The following RYR3 variants were observed in gnomAD, a reference collection of about 807,000 sequenced individuals.
RYR3 encodes ryanodine receptor 3, also known as brain ryanodine receptor-calcium release channel.
Under a neutral mutation model 584.3 loss-of-function variants are expected in RYR3, and 207 were observed. The observed-to-expected ratio is 0.35, with a 90% CI of 0.32 to 0.40. The LOEUF is 0.40. Ranked by LOEUF, RYR3 falls within the 10% of genes least tolerant of loss-of-function variation. RYR3 has a pLI of 1.00. For missense variants in RYR3, 5,616 were observed against 6,089.2 expected, an observed-to-expected ratio of 0.92 and a Z score of 2.59; for synonymous variants, 2,416 against 2,248.5, an observed-to-expected ratio of 1.07 and a Z score of -2.11.
chr15:33,338,373 A>G (rs1173408238), intron 1 of RYR3, among the ~76,000 whole-genome samples: 1 of 152,190 alleles, frequency 6.6e-6, no homozygotes, highest in Non-Finnish European at 1.5e-5. Flanking sequence ...TTTTCATGTA[A>G]GTGAATCTGC....
chr15:33,609,471 C>T (rs1003037997), intron 18 of RYR3, among the ~76,000 whole-genome samples: 5 of 152,156 alleles, frequency 3.3e-5, no homozygotes, highest in South Asian at 2.1e-4. Context: ...GCCTAGCCAA[C>T]GGGGTGAAAT....
At chr15:33,580,216 G>A in intron 13 of RYR3, 72 bp downstream of exon 13, 1 of 1,248,612 alleles carries the variant, frequency 8.0e-7, no homozygotes, top group African/African-American at 1.5e-5. Context: ...CTACAACTTA[G>A]CTTTGTCTTT....
chr15:33,772,500 T>A (rs2073652751), intron 63 of RYR3, among the ~76,000 whole-genome samples: 1 of 152,154 alleles, frequency 6.6e-6, no homozygotes, highest in Admixed American at 6.5e-5. Flanking sequence ...TGCTCCTGGG[T>A]TTTTGAGACA....
chr15:33,379,687 C>CTCTCTCTATATA, intron 1 of RYR3, among the ~76,000 whole-genome samples: 2 of 125,502 alleles, frequency 1.6e-5, no homozygotes, highest in African/African-American at 3.6e-5. Context: ...CTCTCTCTCT[C>CTCTCTCTATATA]TATATATATA....
chr15:33,526,236 T>C (rs2054375571), intron 3 of RYR3, among the ~76,000 whole-genome samples: 1 of 152,200 alleles, frequency 6.6e-6, no homozygotes, highest in African/African-American at 2.4e-5. Flanking sequence ...ACGTCAGTAA[T>C]GGAAATTAAT....
chr15:33,505,484 C>T (rs893920412), intron 3 of RYR3, among the ~76,000 whole-genome samples: 1 of 152,086 alleles, frequency 6.6e-6, no homozygotes, highest in African/African-American at 2.4e-5. Context: ...CAAACACTTC[C>T]AGTTTAGGGA....
At chr15:33,763,892 C>CAAAAACAAAA (rs1555447212) in intron 60 of RYR3, among the ~76,000 whole-genome samples, 2 of 45,870 alleles carry the variant, frequency 4.4e-5, no homozygotes, top group African/African-American at 1.8e-4. Context: ...GACTTCATCT[C>CAAAAACAAAA]AAAAAAAAAA....
rs920073632 is a variant in RYR3 at position 33,438,247 on chromosome 15, A to G, written c.52-35172A>G. On this transcript the variant is annotated intron_variant, in intron 1 of 103. Transcript: ENST00000634891. ...TCACCATGATGTACGGTGGATCCCCAGAACTTATTCCCCTTGCCTGACACT... is the reference window on the plus strand; with the variant it reads ...TCACCATGATGTACGGTGGATCCCCGGAACTTATTCCCCTTGCCTGACACT... Among the ~76,000 whole-genome samples, 10 of 152,132 alleles carry G rather than the reference A, an allele frequency of 6.6e-5. No individual in the cohort carries two copies. The South Asian group carries it at 8.3e-4, about 13-fold the overall frequency.
rs556491851 is a variant in RYR3 at position 33,463,601 on chromosome 15, C to T, written c.52-9818C>T. Among the ~76,000 whole-genome samples the T allele has an allele frequency of 5.4e-5, 8 of 148,696 alleles. No homozygotes were observed. The East Asian group carries it at 1.8e-3, about 33-fold the overall frequency. ...CACTGCATTCTTCCATGTTACATAA[C>T]AGCATGTTCTGCCTGAGAGAGAATT... On this transcript the variant is annotated intron_variant, in intron 1 of 103. Transcript: ENST00000634891.
intron 1 of RYR3, among the ~76,000 whole-genome samples, chr15:33,410,313 T>C (rs967246740): frequency 2.6e-5 from 4 of 152,202 alleles, no homozygotes; most frequent in Admixed American, 2.6e-4. Context: ...GAACACTTGG[T>C]TTGGCAGGCC....
At chr15:33,666,884 G>T (rs1322807602) in intron 36 of RYR3, among the ~76,000 whole-genome samples, 1 of 152,210 alleles carries the variant, frequency 6.6e-6, no homozygotes, top group Non-Finnish European at 1.5e-5. Context: ...AGGCAAGGAA[G>T]CCCCTGCTTC....
At chr15:33,379,685 C>CTATATATATATATA (rs1234432644) in intron 1 of RYR3, among the ~76,000 whole-genome samples, 2 of 117,844 alleles carry the variant, frequency 1.7e-5, no homozygotes, top group African/African-American at 4.0e-5. Flanking sequence ...CTCTCTCTCT[C>CTATATATATATATA]TCTATATATA....
intron 57 of RYR3, among the ~76,000 whole-genome samples, chr15:33,750,539 A>G (rs950288271): frequency 9.9e-5 from 15 of 152,218 alleles, no homozygotes; most frequent in Non-Finnish European, 1.9e-4. Flanking sequence ...ATTGTAACTT[A>G]AAATATATAA....
In RYR3 at chr15:33,562,832, A is replaced by G. The variant is rs1477873548; in HGVS notation, c.973-5A>G. ...TATGTTTGTTTCTTTTTGTGTATGA[A>G]TTAGGAACTCAAGGAGAAATTAGAC... On this transcript the variant is annotated splice_polypyrimidine_tract_variant and splice_region_variant and intron_variant, in intron 10 of 103. Coordinates refer to ENST00000634891, the MANE Select transcript of RYR3 (RefSeq NM_001036.6). 1.2e-6 allele frequency: 2 copies of G among 1,607,890 alleles called. No individual in the cohort carries two copies. The highest frequency in any genetic ancestry group is 1.7e-5 in the Admixed American group (1 of 59,810).
chr15:33,725,976 CAAAAAAAAAA>C (rs61503360), intron 45 of RYR3, among the ~76,000 whole-genome samples: 2 of 31,516 alleles, frequency 6.3e-5, no homozygotes, highest in East Asian at 1.8e-3. Flanking sequence ...TCCCCCCCCC[CAAAAAAAAAA>C]AAAAAAAAAA....
At chr15:33,629,433 GATT>G (rs2061161398) in intron 21 of RYR3, among the ~76,000 whole-genome samples, 1 of 152,190 alleles carries the variant, frequency 6.6e-6, no homozygotes, top group South Asian at 2.1e-4. Flanking sequence ...TTGTTAAAAT[GATT>G]ATTTTGCATT....
In RYR3 at chr15:33,819,675, AAAATAAATAAAT is replaced by A. The variant is rs10631080; in HGVS notation, c.10707-45_10707-34del. On this transcript the variant is annotated intron_variant, in intron 76 of 103. Transcript: ENST00000634891. ...GGGGACAAGAGAAAACTCTGTCTCA[AAAATAAATAAAT>A]AAATAAATAAATAAATAAATAAATA... 2.2e-3 allele frequency: 1,430 copies of A among 653,788 alleles called. 7 individuals are homozygous for A. The highest frequency in any genetic ancestry group is 5.2e-3 in the Admixed American group (140 of 27,088). 40.5% of individuals were successfully genotyped at this position (653,788 alleles called of 1,614,324 possible).
At chr15:33,740,217 A>AT (rs898666282) in intron 51 of RYR3, among the ~76,000 whole-genome samples, 2 of 152,056 alleles carry the variant, frequency 1.3e-5, no homozygotes, top group African/African-American at 2.4e-5. Flanking sequence ...GGGTTGGTTT[A>AT]TTTTTTACCA....
intron 1 of RYR3, among the ~76,000 whole-genome samples, chr15:33,388,805 C>T (rs1169318026): frequency 1.3e-5 from 2 of 151,932 alleles, no homozygotes; most frequent in East Asian, 3.9e-4. Context: ...AAAGTGTAAA[C>T]ATGAACAACA....
Sources: gnomAD v4.1 joint callset for allele counts (sites outside exome capture counted in the v4.1 genomes callset) on GRCh38, gnomAD v4.1.1 for gene constraint, MANE v1.5 for transcripts, NCBI Gene and HGNC (gene_info 2026-07-23, HGNC 2026-07-21) for gene names.